The following PRDM16 variants were observed in gnomAD, a reference collection of about 807,000 sequenced individuals.
The protein encoded by PRDM16 is PR/SET domain 16, also known as histone-lysine N-methyltransferase PRDM16.
PRDM16 carries 23 observed loss-of-function variants against 110.6 expected under a neutral mutation model. The ratio of observed to expected loss-of-function variants is 0.21; its 90% confidence interval spans 0.15 to 0.29. The LOEUF is 0.29. Ranked by LOEUF, PRDM16 falls within the 10% of genes least tolerant of loss-of-function variation. The pLI, the probability that PRDM16 is intolerant of heterozygous loss-of-function variation, is 1.00. For synonymous variants in PRDM16, 799 were observed against 781.8 expected (o/e 1.02, Z -0.37); for missense variants, 1,615 against 1,794.3 (o/e 0.90, Z 1.81).
In PRDM16 at chr1:3,385,206, G is replaced by C; in HGVS notation, c.493G>C (p.Ala165Pro). 1 of 1,613,740 alleles carries C rather than the reference G, an allele frequency of 6.2e-7. No individual in the cohort carries two copies. The highest frequency in any genetic ancestry group is 8.5e-7 in the Non-Finnish European group (1 of 1,180,004). Residue 165 changes from alanine (A) to proline (P), a missense_variant, in exon 4 of 17, where the codon GCT becomes CCT. Physicochemically the swap from Ala to Pro is conservative, Grantham distance 27. Transcript: ENST00000270722. The part of the protein sequence containing the change: ...KFCVDANQAG[A>P]GSWLKYIRVA... ...CTGCGTGGATGCAAATCAGGCGGGG[G>C]CTGGCAGCTGGCTCAAGTACATCCG...
chr1:3,111,542 A>G lies in PRDM16; in HGVS notation c.37+42246A>G, dbSNP rs568949461. 5.3e-3 allele frequency among the ~76,000 whole-genome samples: 797 copies of G among 151,464 alleles called. 5 individuals carry two copies. Among genetic ancestry groups the G allele is most frequent in the Middle Eastern group, 0.014 (4 of 294 alleles). On this transcript the variant is annotated intron_variant, in intron 1 of 16. Coordinates refer to ENST00000270722, the MANE Select transcript of PRDM16 (RefSeq NM_022114.4). The stretch of plus-strand genomic sequence containing the variant: ...GGGGAAGGGGAGAGCGGAGGGAAAG[A>G]GGTGGGATAAGGAAGAGAAGGAGGA...
chr1:3,312,820 G>C (rs111709913), intron 3 of PRDM16, among the ~76,000 whole-genome samples: 51 of 152,370 alleles, frequency 3.3e-4, no homozygotes, highest in African/African-American at 1.2e-3. Flanking sequence ...CTTCTGAAAA[G>C]TGTGCCTAGA....
In PRDM16 at chr1:3,186,233, G is replaced by A. The variant is rs754043874; in HGVS notation, c.146G>A (p.Gly49Glu). 14 of 1,612,500 alleles carry A rather than the reference G, an allele frequency of 8.7e-6. No homozygotes were observed. The highest frequency in any genetic ancestry group is 9.3e-6 in the Non-Finnish European group (11 of 1,179,870). ...AGTGCCATGTCGCCCATCCCCGTGG[G>A]GCCACCGTCCCCCTTCCCCACCAGC... ...EDSAMSPIPV[G>E]PPSPFPTSED... Residue 49 changes from glycine (G) to glutamate (E), a missense_variant, in exon 2 of 17, where the codon GGG (glycine) becomes GAG (glutamate). Transcript: ENST00000270722.
chr1:3,142,704 G>A (rs1051230443), intron 1 of PRDM16, among the ~76,000 whole-genome samples: 9 of 152,266 alleles, frequency 5.9e-5, no homozygotes, highest in African/African-American at 1.9e-4. Context: ...CCCCGAGAGC[G>A]GGTAATTACC....
chr1:3,293,328 A>T (rs1312899414), intron 3 of PRDM16, among the ~76,000 whole-genome samples: 3 of 152,210 alleles, frequency 2.0e-5, no homozygotes, highest in Non-Finnish European at 4.4e-5. Context: ...CGGGACCAGC[A>T]CCGCATCCCA....
chr1:3,289,160 C>T (rs1640918739), intron 3 of PRDM16, among the ~76,000 whole-genome samples: 1 of 152,218 alleles, frequency 6.6e-6, no homozygotes, highest in Non-Finnish European at 1.5e-5. Context: ...GTGGGAACAC[C>T]TCTGCGTGGA....
intron 2 of PRDM16, among the ~76,000 whole-genome samples, chr1:3,196,955 G>A (rs1341389423): frequency 1.3e-5 from 2 of 152,182 alleles, no homozygotes; most frequent in African/African-American, 4.8e-5. Context: ...TCCACTGGGG[G>A]ACCCCACTGT....
chr1:3,389,443 G>T (rs1044419990), intron 4 of PRDM16, among the ~76,000 whole-genome samples: 1 of 152,226 alleles, frequency 6.6e-6, no homozygotes, highest in Non-Finnish European at 1.5e-5. Flanking sequence ...TGAGGGGGCT[G>T]CTTGTGGGCC....
chr1:3,291,982 G>A (rs997420966), intron 3 of PRDM16, among the ~76,000 whole-genome samples: 1 of 152,246 alleles, frequency 6.6e-6, no homozygotes. Context: ...GGCCTACCCG[G>A]TGCCTGGCAC....
At chr1:3,247,590 C>T (rs1483857692) in intron 3 of PRDM16, among the ~76,000 whole-genome samples, 1 of 152,252 alleles carries the variant, frequency 6.6e-6, no homozygotes, top group African/African-American at 2.4e-5. Flanking sequence ...GCCCCTTCAG[C>T]TTCGCCCTGG....
At chr1:3,284,664 C>T (rs1447753516) in intron 3 of PRDM16, among the ~76,000 whole-genome samples, 2 of 152,242 alleles carry the variant, frequency 1.3e-5, no homozygotes, top group Non-Finnish European at 2.9e-5. Context: ...TTCAGATAGA[C>T]TCTGTGGCCT....
intron 8 of PRDM16, among the ~76,000 whole-genome samples, chr1:3,409,851 T>TGG (rs1341961973): frequency 2.1e-4 from 25 of 120,444 alleles, no homozygotes; most frequent in African/African-American, 6.6e-4. Context: ...GGTGTGGGTG[T>TGG]GTGTGTGGTG....
chr1:3,125,179 A>C (rs1569621607), intron 1 of PRDM16, among the ~76,000 whole-genome samples: 1 of 152,320 alleles, frequency 6.6e-6, no homozygotes, highest in East Asian at 1.9e-4. Flanking sequence ...CCGCAGCTGC[A>C]CCTCCTTGAG....
At chr1:3,311,925 G>C (rs1295837922) in intron 3 of PRDM16, among the ~76,000 whole-genome samples, 3 of 152,204 alleles carry the variant, frequency 2.0e-5, no homozygotes, top group Non-Finnish European at 4.4e-5. Flanking sequence ...CAGCTTTGCA[G>C]GTCAGCTCCC....
intron 1 of PRDM16, among the ~76,000 whole-genome samples, chr1:3,136,388 T>C (rs902746706): frequency 6.6e-6 from 1 of 152,158 alleles, no homozygotes; most frequent in African/African-American, 2.4e-5. Flanking sequence ...CCCAGAAAGA[T>C]GGACCGACAG....
chr1:3,352,458 G>A (rs777838542), intron 3 of PRDM16, among the ~76,000 whole-genome samples: 6 of 152,178 alleles, frequency 3.9e-5, no homozygotes, highest in African/African-American at 7.2e-5. Flanking sequence ...GAGGGGACAC[G>A]GATTCCAGTA....
rs1641689476 is a variant in PRDM16, at chr1:3,069,464, G to C, written c.37+168G>C. On this transcript the variant is annotated intron_variant, in intron 1 of 16. Coordinates refer to ENST00000270722, the MANE Select transcript of PRDM16 (RefSeq NM_022114.4). The surrounding 1 kb of genome is among the most constrained non-coding windows in gnomAD (Gnocchi z 6.1). ...TGCTCCGCCTCCCGCGCTCCGGGGC[G>C]ACCGGGCTCGGCGCGGAGGCTCGGG... 6.9e-6 allele frequency among the ~76,000 whole-genome samples: 1 copy of C among 144,090 alleles called. No individual in the cohort carries two copies. The highest frequency in any genetic ancestry group is 2.5e-5 in the African/African-American group (1 of 40,174). The allele number at this position is 144,090 out of a possible 152,430, so 94.5% of individuals were successfully genotyped here.
chr1:3,432,649 G>A (rs556962433), intron 16 of PRDM16, among the ~76,000 whole-genome samples: 23 of 152,162 alleles, frequency 1.5e-4, no homozygotes, highest in African/African-American at 2.9e-4. Flanking sequence ...CCCTGCTCCC[G>A]CATTTCTCTC....
intron 9 of PRDM16, among the ~76,000 whole-genome samples, chr1:3,413,070 G>A (rs1474839876): frequency 6.6e-6 from 1 of 152,020 alleles, no homozygotes; most frequent in African/African-American, 2.4e-5. Context: ...TGCTTGCACC[G>A]ATGACCACTC....
Sources: allele counts gnomAD v4.1 joint callset (sites outside exome capture counted in the v4.1 genomes callset), GRCh38; gene constraint gnomAD v4.1.1; non-coding constraint Gnocchi (gnomAD v3.1); transcripts MANE v1.5; gene names NCBI Gene and HGNC (gene_info 2026-07-23, HGNC 2026-07-21).